Variants in CACNA1G observed in about 807,000 individuals in gnomAD.
The protein encoded by CACNA1G is calcium voltage-gated channel subunit alpha1 G, also known as voltage-dependent T-type calcium channel subunit alpha-1G.
CACNA1G carries 67 observed loss-of-function variants against 219.4 expected under a neutral mutation model. The observed-to-expected ratio is 0.31, with a 90% CI of 0.25 to 0.37. The LOEUF (loss-of-function observed/expected upper bound fraction) is 0.37, where lower values mean the gene tolerates loss of function less well. CACNA1G is among the 10% of genes least tolerant of loss of function. CACNA1G has a pLI of 1.00. For synonymous variants in CACNA1G, 1,296 were observed against 1,345.3 expected (o/e 0.96, Z 0.80); for missense variants, 2,380 against 3,231.4 (o/e 0.74, Z 6.39).
At chr17:50,593,479 C>G (rs2044807471) in intron 13 of CACNA1G, among the ~76,000 whole-genome samples, 1 of 152,290 alleles carries the variant, frequency 6.6e-6, no homozygotes, top group African/African-American at 2.4e-5. Flanking sequence ...AGATGGCCCC[C>G]TCCCCAGCAC....
chr17:50,561,421 C>T lies in CACNA1G; in HGVS notation c.-39C>T. 1 of 1,533,136 alleles carries T rather than the reference C, an allele frequency of 6.5e-7. No individual in the cohort carries two copies. The highest frequency in any genetic ancestry group is 1.2e-5 in the South Asian group (1 of 83,942). 95.0% of individuals were successfully genotyped at this position (1,533,136 alleles called of 1,614,324 possible). ...CACCTCCTCTGAGGGGCGCCGCTTG[C>T]CCCTCTCCGGATCGCCCGGGGCCCC... On this transcript the variant is annotated 5_prime_UTR_variant, in exon 1 of 38. Transcript: ENST00000359106.
chr17:50,602,631 G>A (rs1486045317), intron 19 of CACNA1G, among the ~76,000 whole-genome samples, 189 bp from the exon 20 acceptor site: 1 of 152,214 alleles, frequency 6.6e-6, no homozygotes, highest in Non-Finnish European at 1.5e-5. Context: ...CAGAGCTGCA[G>A]GGGAGTCAGG....
intron 14 of CACNA1G, among the ~76,000 whole-genome samples, chr17:50,595,985 A>G (rs562103139): frequency 6.6e-6 from 1 of 152,344 alleles, no homozygotes; most frequent in South Asian, 2.1e-4. Context: ...TCCCAGAGAC[A>G]GGGAGAGAGG....
At chr17:50,582,482 A>G (rs198555) in intron 9 of CACNA1G, among the ~76,000 whole-genome samples, 87,970 of 152,002 alleles carry the variant, frequency 0.58, 26,232 homozygotes, top group East Asian at 0.95. Flanking sequence ...GGTGGGAGCA[A>G]TGTGGCTTGA....
rs754558550 is a variant in CACNA1G, at chr17:50,568,425, TAAACTG to T, written c.243-444_243-439del. On this transcript the variant is annotated intron_variant, in intron 1 of 37. Transcript: ENST00000359106. ...TGTGGCATTGTGTGAAAGTGCTTGGTAAACTGTAAGGCAGGCATAATCCGACTTTAG... is the reference window on the plus strand; with the variant it reads ...TGTGGCATTGTGTGAAAGTGCTTGGTTAAGGCAGGCATAATCCGACTTTAG... Among the ~76,000 whole-genome samples, 4 of 152,192 alleles carry T rather than the reference TAAACTG, an allele frequency of 2.6e-5. 1 individual carries two copies. Among genetic ancestry groups the T allele is most frequent in the Non-Finnish European group, 4.4e-5 (3 of 68,032 alleles).
chr17:50,624,194 G>A, intron 36 of CACNA1G, 119 bp downstream of exon 36: 2 of 1,348,556 alleles, frequency 1.5e-6, no homozygotes, highest in Non-Finnish European at 2.1e-6. Context: ...TCTGACCTCA[G>A]GGGAGCCTCC....
At chr17:50,609,790 T>C in intron 25 of CACNA1G, 92 bp from the exon 26 acceptor site, 3 of 1,075,718 alleles carry the variant, frequency 2.8e-6, no homozygotes, top group Admixed American at 4.0e-5. Flanking sequence ...ATAGGCAGAG[T>C]GAGGTGGGAG....
chr17:50,608,712 G>C (rs1305866875), intron 25 of CACNA1G, among the ~76,000 whole-genome samples: 1 of 152,112 alleles, frequency 6.6e-6, no homozygotes, highest in East Asian at 1.9e-4. Context: ...GCCCCCATCC[G>C]TCCGTCCTCA....
rs201895309 is a variant in CACNA1G at position 50,618,750 on chromosome 17, G to T, written c.5523G>T (p.Val1841=). ...FVSFVLTAQF[V]LVNVVIAVLM... Reference sequence around the variant, plus strand: ...CCTTCGTGCTGACGGCCCAGTTCGTGCTAGTCAACGTGGTGATCGCCGTGC... The same window carrying T: ...CCTTCGTGCTGACGGCCCAGTTCGTTCTAGTCAACGTGGTGATCGCCGTGC... The change falls in exon 33 of 38, where the codon GTG becomes GTT. Residue 1841 remains valine (V), a synonymous_variant. Transcript: ENST00000359106. This position sits in a 1 kb window ranked among gnomAD's most constrained non-coding sequence, Gnocchi z 5.3. The T allele has an allele frequency of 2.2e-4, 354 of 1,613,968 alleles. No individual in the cohort carries two copies. The African/African-American group carries it at 4.3e-3, about 20-fold the overall frequency.
intron 1 of CACNA1G, among the ~76,000 whole-genome samples, chr17:50,565,386 G>GA (rs199747975): frequency 7.0e-6 from 1 of 143,128 alleles, no homozygotes; most frequent in Non-Finnish European, 1.5e-5. Flanking sequence ...GTGGGGTGGG[G>GA]CGGGGGGTTC....
Position 50,591,909 on chromosome 17 carries a change from G to C in CACNA1G, c.2755-28G>C, listed in dbSNP as rs377005424. ...GGGGCCGTCAGGTGCCCCTAGTATA[G>C]GCCCTGATTCCTGTCTTCTGCCCGC... On this transcript the variant is annotated intron_variant, in intron 12 of 37. Coordinates refer to ENST00000359106, the MANE Select transcript of CACNA1G (RefSeq NM_018896.5). 3.5e-5 allele frequency: 57 copies of C among 1,613,916 alleles called. No homozygotes were observed. The African/African-American group carries it at 7.6e-4, about 22-fold the overall frequency.
intron 13 of CACNA1G, among the ~76,000 whole-genome samples, chr17:50,593,600 C>A (rs1438487028): frequency 6.6e-6 from 1 of 152,232 alleles, no homozygotes; most frequent in East Asian, 1.9e-4. Flanking sequence ...CCTGGGGCGG[C>A]CTGGTCACTC....
intron 8 of CACNA1G, among the ~76,000 whole-genome samples, chr17:50,577,532 A>C (rs1374297668): frequency 1.3e-5 from 2 of 149,000 alleles, no homozygotes; most frequent in Non-Finnish European, 3.0e-5. Context: ...TCTGGTGTTC[A>C]TATGCATATG....
At chr17:50,564,408 G>T (rs2037051017) in intron 1 of CACNA1G, among the ~76,000 whole-genome samples, 1 of 150,346 alleles carries the variant, frequency 6.7e-6, no homozygotes, top group Non-Finnish European at 1.5e-5. Flanking sequence ...GCCCAGCACA[G>T]CTTTTTCTCA....
intron 17 of CACNA1G, 84 bp downstream of exon 17, chr17:50,599,943 G>A: frequency 7.4e-7 from 1 of 1,348,882 alleles, no homozygotes; most frequent in Non-Finnish European, 1.0e-6. Context: ...GTATAAGGGA[G>A]TTACCATTCC....
rs1482251813 is a variant in CACNA1G at position 50,560,868 on chromosome 17, C to T, written c.-592C>T. 6.6e-6 allele frequency among the ~76,000 whole-genome samples: 1 copy of T among 152,078 alleles called. No individual in the cohort carries two copies. Among genetic ancestry groups the T allele is most frequent in the Non-Finnish European group, 1.5e-5 (1 of 67,956 alleles). On this transcript the variant is annotated 5_prime_UTR_variant, in exon 1 of 38. Transcript: ENST00000359106. Reference sequence around the variant, plus strand: ...CCTCCACTCCCGCCCGGGACTGCCCCCCACTGTCTCCCCGCCCCTCCCGGA... The same window carrying T: ...CCTCCACTCCCGCCCGGGACTGCCCTCCACTGTCTCCCCGCCCCTCCCGGA...
intron 16 of CACNA1G, among the ~76,000 whole-genome samples, chr17:50,598,103 A>G (rs1205890934): frequency 6.6e-6 from 1 of 152,042 alleles, no homozygotes. Flanking sequence ...AACTCACTGC[A>G]TGCAACCTCT....
At chr17:50,580,857 G>T (rs534448239) in intron 9 of CACNA1G, among the ~76,000 whole-genome samples, 1 of 152,318 alleles carries the variant, frequency 6.6e-6, no homozygotes, top group East Asian at 1.9e-4. Context: ...CCCAGAAGCT[G>T]CCATGGCCCT....
rs573940144 is a variant in CACNA1G at position 50,621,511 on chromosome 17, T to A, written c.5926-149T>A. ...ACTGTCAGCTTGTTTGGGGAAAGGG[T>A]GGGGAGAGAGAAGGGATGCCTTTTT... On this transcript the variant is annotated intron_variant, in intron 34 of 37. Coordinates refer to ENST00000359106, the MANE Select transcript of CACNA1G (RefSeq NM_018896.5). The surrounding 1 kb of genome is among the most constrained non-coding windows in gnomAD (Gnocchi z 4.6). The A allele has an allele frequency of 8.8e-4, 703 of 799,422 alleles. 1 individual carries two copies. The highest frequency in any genetic ancestry group is 1.2e-3 in the Non-Finnish European group (608 of 499,662). 49.5% of individuals were successfully genotyped at this position (799,422 alleles called of 1,614,324 possible).
Sources: gnomAD v4.1 joint callset for allele counts (sites outside exome capture counted in the v4.1 genomes callset) on GRCh38, gnomAD v4.1.1 for gene constraint, Gnocchi (gnomAD v3.1) non-coding constraint, MANE v1.5 for transcripts, NCBI Gene and HGNC (gene_info 2026-07-23, HGNC 2026-07-21) for gene names.